TYMP: variants seen among roughly 807,000 people sequenced by gnomAD.
The protein encoded by TYMP is thymidine phosphorylase.
Under a neutral mutation model 42.3 loss-of-function variants are expected in TYMP, and 46 were observed. The ratio of observed to expected loss-of-function variants is 1.09; its 90% CI spans 0.86 to 1.39. TYMP has a LOEUF of 1.39. TYMP is among the 40% of genes most tolerant of loss of function. The pLI, the probability that TYMP is intolerant of heterozygous loss-of-function variation, is 0.00. For missense variants in TYMP, 837 were observed against 677.6 expected, an observed-to-expected ratio of 1.24 and a Z score of -2.61; for synonymous variants, 363 against 308.0, an observed-to-expected ratio of 1.18 and a Z score of -1.87.
intron 5 of TYMP, 105 bp from the exon 6 acceptor site, chr22:50,527,388 C>G (rs754901552): frequency 8.0e-6 from 10 of 1,254,736 alleles, no homozygotes; most frequent in Non-Finnish European, 1.2e-5. Flanking sequence ...CATTGAGGGT[C>G]AAGTCCCTTA....
Position 50,526,117 on chromosome 22 carries a change from A to G in TYMP, c.1184T>C (p.Leu395Pro). The change falls in exon 9 of 10, where the codon CTG becomes CCG. Residue 395 changes from leucine to proline, a missense_variant. Leu to Pro is a moderately conservative substitution (Grantham distance 98). Transcript: ENST00000252029. Reference protein sequence around the residue: ...ADGTVELVRALPLALVLHELG... With the variant: ...ADGTVELVRAPPLALVLHELG... ...CTCGTGCAGCACCAGCGCCAGCGGCAGCGCCCGGACCAGCTCCACGGTGCC... is the reference window on the plus strand; with the variant it reads ...CTCGTGCAGCACCAGCGCCAGCGGCGGCGCCCGGACCAGCTCCACGGTGCC... 2 of 1,488,688 alleles carry G rather than the reference A, an allele frequency of 1.3e-6. No individual in the cohort carries two copies. Among genetic ancestry groups the G allele is most frequent in the Non-Finnish European group, 8.9e-7 (1 of 1,127,470 alleles). The allele number at this position is 1,488,688 out of a possible 1,614,324, so 92.2% of individuals were successfully genotyped here. A position where few individuals can be genotyped will look rare whatever the true frequency, so the allele number is the denominator to read the frequency against.
intron 3 of TYMP, 172 bp downstream of exon 3, chr22:50,528,964 G>A: frequency 1.3e-6 from 1 of 750,704 alleles, no homozygotes; most frequent in South Asian, 1.6e-5. Context: ...GGCCCCAAGC[G>A]CTGTGCTGGG....
At chr22:50,527,134 C>G in intron 6 of TYMP, 31 bp downstream of exon 6, 1 of 1,563,202 alleles carries the variant, frequency 6.4e-7, no homozygotes, top group Non-Finnish European at 8.8e-7. Flanking sequence ...CGCATCAAGA[C>G]GCTTGCCCAG....
chr22:50,527,495 G>C (rs2069436201), intron 5 of TYMP, 93 bp downstream of exon 5: 1 of 1,593,430 alleles, frequency 6.3e-7, no homozygotes, highest in Non-Finnish European at 8.6e-7. Context: ...CACACGGTCA[G>C]GTGACGGGTA....
Position 50,529,713 on chromosome 22 carries a change from T to G in TYMP, c.-4A>C. ...CCGGGGTCATCAAGGCTGCCATCGC[T>G]CCGGGCCTGCGGGGATGCCTGACAC... is the stretch of plus-strand genomic sequence containing the variant. On this transcript the variant is annotated 5_prime_UTR_variant, in exon 2 of 10. Coordinates refer to ENST00000252029, the MANE Select transcript of TYMP (RefSeq NM_001953.5). 6.2e-7 allele frequency: 1 copy of G among 1,607,978 alleles called. No individual in the cohort carries two copies. Among genetic ancestry groups the G allele is most frequent in the East Asian group, 2.2e-5 (1 of 44,694 alleles).
chr22:50,529,330 G>A lies in TYMP; in HGVS notation c.223C>T (p.Leu75=). 6.2e-7 allele frequency: 1 copy of A among 1,613,276 alleles called. No individual in the cohort carries two copies. The highest frequency in any genetic ancestry group is 2.2e-5 in the East Asian group (1 of 44,886). ...SAQGAQIGAM[L]MAIRLRGMDL... is the part of the protein sequence containing the mutation. ...ATGCCCCGAAGTCGGATGGCCATCA[G>A]CATGGCCCCTGGTATGTGGGGGTAC... The change falls in exon 3 of 10, where the codon CTG becomes TTG. Residue 75 remains leucine (L), a synonymous_variant. Coordinates refer to ENST00000252029, the MANE Select transcript of TYMP (RefSeq NM_001953.5).
At position 50,529,232 on chromosome 22, in the gene TYMP, G is replaced by A. The variant is rs1487807924; in HGVS notation, c.321C>T (p.Ala107=). The A allele has an allele frequency of 6.2e-7, 1 of 1,613,276 alleles. No individual in the cohort carries two copies. Among genetic ancestry groups the A allele is most frequent in the Admixed American group, 1.7e-5 (1 of 60,030 alleles). ...QSGQQLEWPE[A]WRQQLVDKHS... is the part of the protein sequence containing the mutation. ...GCTTGTCCACAAGCTGCTGGCGCCA[G>A]GCCTCTGGCCACTCCAGCTGCTGTC... Residue 107 remains alanine, a synonymous_variant, in exon 3 of 10, where the codon GCC becomes GCT. Transcript: ENST00000252029.
intron 5 of TYMP, 131 bp downstream of exon 5, chr22:50,527,457 C>A: frequency 6.9e-7 from 1 of 1,450,782 alleles, no homozygotes; most frequent in South Asian, 1.1e-5. Flanking sequence ...TGGTGGTGGT[C>A]AGGCATCTTG....
chr22:50,527,391 G>A (rs752585814), intron 5 of TYMP, 108 bp from the exon 6 acceptor site: 4 of 1,248,590 alleles, frequency 3.2e-6, no homozygotes, highest in African/African-American at 3.0e-5. Flanking sequence ...TGAGGGTCAA[G>A]TCCCTTATTA....
At position 50,529,098 on chromosome 22, in the gene TYMP, G is replaced by C. The variant is rs370968889; in HGVS notation, c.417+38C>G. On this transcript the variant is annotated intron_variant, in intron 3 of 9. Coordinates refer to ENST00000252029, the MANE Select transcript of TYMP (RefSeq NM_001953.5). Reference sequence around the variant, plus strand: ...TGGATGGACTGGTTGCTGCATGTGCGGTATAGGCTCCCGTCTGGAAAGGAG... The same window carrying C: ...TGGATGGACTGGTTGCTGCATGTGCCGTATAGGCTCCCGTCTGGAAAGGAG... The C allele has an allele frequency of 1.9e-6, 3 of 1,604,988 alleles. No homozygotes were observed. In the African/African-American group the frequency reaches 4.0e-5, roughly 21 times the overall value.
In TYMP at chr22:50,527,213, G is replaced by A. The variant is rs2069422740; in HGVS notation, c.717C>T (p.Ala239=). The A allele has an allele frequency of 1.2e-6, 2 of 1,613,418 alleles. No individual in the cohort carries two copies. Among genetic ancestry groups the A allele is most frequent in the African/African-American group, 2.7e-5 (2 of 74,916 alleles). ...ALVVDVKFGG[A]AVFPNQEQAR... ...CCTGCTCCTGGTTGGGGAAGACGGC[G>A]GCCCCTCCGAACTTAACGTCCACCA... Residue 239 remains alanine (A), a synonymous_variant, in exon 6 of 10, where the codon GCC becomes GCT. Transcript: ENST00000252029.
Position 50,526,673 on chromosome 22 carries a change from C to G in TYMP, c.831G>C (p.Leu277=), listed in dbSNP as rs8141558. 3 of 1,551,904 alleles carry G rather than the reference C, an allele frequency of 1.9e-6. No individual in the cohort carries two copies. Among genetic ancestry groups the G allele is most frequent in the Non-Finnish European group, 2.6e-6 (3 of 1,151,498 alleles). The part of the protein sequence containing the change: ...AAALTAMDKP[L]GRCVGHALEV... ...CCAGGGCGTGGCCCACGCAGCGACCCAGGGGCTTGTCCATGGCGGTCAGCG... is the reference window on the plus strand; with the variant it reads ...CCAGGGCGTGGCCCACGCAGCGACCGAGGGGCTTGTCCATGGCGGTCAGCG... The change falls in exon 7 of 10, where the codon CTG becomes CTC. Residue 277 remains leucine (L), a synonymous_variant. Transcript: ENST00000252029.
Position 50,527,721 on chromosome 22 carries a change from G to A in TYMP, c.517-4C>T. ...CCTGGTCCAGCAGCACTTGCATCTG[G>A]TCAGACATCCCCTGTTCTCAGTGAC... On this transcript the variant is annotated splice_polypyrimidine_tract_variant and splice_region_variant and intron_variant, in intron 4 of 9. Coordinates refer to ENST00000252029, the MANE Select transcript of TYMP (RefSeq NM_001953.5). 1.2e-6 allele frequency: 2 copies of A among 1,612,572 alleles called. No individual in the cohort carries two copies. The highest frequency in any genetic ancestry group is 1.7e-6 in the Non-Finnish European group (2 of 1,179,672).
chr22:50,526,694 C>T lies in TYMP; in HGVS notation c.810G>A (p.Leu270=), dbSNP rs2148678819. 1.3e-6 allele frequency: 2 copies of T among 1,543,286 alleles called. No homozygotes were observed. Among genetic ancestry groups the T allele is most frequent in the Non-Finnish European group, 1.7e-6 (2 of 1,148,382 alleles). Residue 270 remains leucine, a synonymous_variant, in exon 7 of 10, where the codon CTG becomes CTA. Transcript: ENST00000252029. ...GACCCAGGGGCTTGTCCATGGCGGT[C>T]AGCGCTGCCGCGACCCGAAGCCCTA... The part of the protein sequence containing the change: ...ASLGLRVAAA[L]TAMDKPLGRC...
rs748651674 is a variant in TYMP, at chr22:50,526,314, C to T, written c.1091G>A (p.Ser364Asn). 3.2e-6 allele frequency: 5 copies of T among 1,561,086 alleles called. No homozygotes were observed. The highest frequency in any genetic ancestry group is 1.4e-5 in the African/African-American group (1 of 71,450). Reference protein sequence around the residue: ...PGLARALCSGSPAERRQLLPR... With the variant: ...PGLARALCSGNPAERRQLLPR... ...CAGCAGCTGCCGGCGTTCTGCGGGA[C>T]TTCCCGAGCACAGGGCTCGGGCCAG... Residue 364 changes from serine (S) to asparagine (N), a missense_variant, in exon 8 of 10, where the codon AGT becomes AAT. By Grantham distance (46) the Ser-to-Asn change is conservative. Transcript: ENST00000252029.
chr22:50,530,042 C>A, upstream of TYMP: 1 of 338,200 alleles, frequency 3.0e-6, no homozygotes, highest in Non-Finnish European at 5.4e-6. Context: ...CGCCCCAGGA[C>A]GGCAGGCGGG....
In TYMP at chr22:50,529,490, A is replaced by ACG; in HGVS notation, c.214+4_214+5dup. 6.2e-7 allele frequency: 1 copy of ACG among 1,612,300 alleles called. No individual in the cohort carries two copies. Among genetic ancestry groups the ACG allele is most frequent in the African/African-American group, 1.3e-5 (1 of 75,050 alleles). ...GGGTCAGGAACGCCCAACCCTCCCC[A>ACG]CGCACCGATCTGTGCGCCCTGCGCG... On this transcript the variant is annotated splice_donor_region_variant and intron_variant, in intron 2 of 9. Transcript: ENST00000252029.
Position 50,527,234 on chromosome 22 carries a change from C to A in TYMP, c.696G>T (p.Val232=). 6.2e-7 allele frequency: 1 copy of A among 1,613,698 alleles called. No individual in the cohort carries two copies. Among genetic ancestry groups the A allele is most frequent in the Non-Finnish European group, 8.5e-7 (1 of 1,180,008 alleles). The stretch of plus-strand genomic sequence containing the variant: ...CGGCGGCCCCTCCGAACTTAACGTC[C>A]ACCACCAGAGCGGACAGCCCCTCCA... The part of the protein sequence containing the change: ...KLVEGLSALV[V]DVKFGGAAVF... The change falls in exon 6 of 10, where the codon GTG becomes GTT. Residue 232 remains valine (V), a synonymous_variant. Coordinates refer to ENST00000252029, the MANE Select transcript of TYMP (RefSeq NM_001953.5).
chr22:50,528,686 T>C, intron 3 of TYMP, 76 bp from the exon 4 acceptor site: 4 of 1,178,720 alleles, frequency 3.4e-6, no homozygotes, highest in Non-Finnish European at 5.0e-6. Flanking sequence ...CTTCCCTGGC[T>C]AGGAGTGCAG....
Sources: gnomAD v4.1 joint callset for allele counts on GRCh38, gnomAD v4.1.1 for gene constraint, MANE v1.5 for transcripts, NCBI Gene and HGNC (gene_info 2026-07-23, HGNC 2026-07-21) for gene names.